The following DPYS variants were observed in gnomAD, a reference collection of about 807,000 sequenced individuals.
DPYS encodes the protein dihydropyrimidine amidohydrolase.
In DPYS, 39 loss-of-function variants were observed where a neutral mutation model predicts 50.3. That is an observed-to-expected ratio of 0.78 (90% CI 0.60 to 1.01). The LOEUF is 1.01. DPYS is among the 50% of genes least tolerant of loss of function. The probability of loss-of-function intolerance (pLI) is 0.00; values close to 1 mark genes in which losing one functional copy is unlikely to be tolerated. For missense variants in DPYS, 659 were observed against 680.9 expected, an observed-to-expected ratio of 0.97 and a Z score of 0.36; for synonymous variants, 245 against 250.7, an observed-to-expected ratio of 0.98 and a Z score of 0.22.
intron 7 of DPYS, among the ~76,000 whole-genome samples, chr8:104,402,239 A>G (rs1473982278): frequency 1.3e-5 from 2 of 152,150 alleles, no homozygotes; most frequent in East Asian, 1.9e-4. Flanking sequence ...TTATATATGT[A>G]TTTGTTTATC....
intron 4 of DPYS, among the ~76,000 whole-genome samples, chr8:104,437,304 C>A (rs1813185858): frequency 6.6e-6 from 1 of 152,054 alleles, no homozygotes; most frequent in Non-Finnish European, 1.5e-5. Flanking sequence ...TGAAGAGGGG[C>A]TGGGTAAAAT....
At chr8:104,390,093 T>C (rs2140514647) in intron 8 of DPYS, among the ~76,000 whole-genome samples, 1 of 152,330 alleles carries the variant, frequency 6.6e-6, no homozygotes, top group East Asian at 1.9e-4. Flanking sequence ...CTAGCGCCCC[T>C]TCTGGAAGCA....
chr8:104,436,400 A>C (rs548253203), intron 4 of DPYS, among the ~76,000 whole-genome samples: 36 of 152,348 alleles, frequency 2.4e-4, no homozygotes, highest in Non-Finnish European at 3.8e-4. Flanking sequence ...ACCTGAGGTC[A>C]GGAGTTCAAG....
intron 8 of DPYS, among the ~76,000 whole-genome samples, chr8:104,387,957 C>T (rs756050116): frequency 6.6e-6 from 1 of 152,162 alleles, no homozygotes; most frequent in Non-Finnish European, 1.5e-5. Context: ...CAAACTGACA[C>T]CACTGAATGA....
intron 3 of DPYS, among the ~76,000 whole-genome samples, chr8:104,445,139 A>C (rs1488422988): frequency 6.6e-6 from 1 of 152,244 alleles, no homozygotes; most frequent in Admixed American, 6.5e-5. Flanking sequence ...ATGTGGAGAA[A>C]AGGGAACCTA....
intron 4 of DPYS, among the ~76,000 whole-genome samples, chr8:104,439,164 G>C (rs997167183): frequency 2.9e-4 from 44 of 152,096 alleles, no homozygotes; most frequent in Non-Finnish European, 4.4e-5. Context: ...CTCAGGACGT[G>C]AGAAGTTTAC....
intron 7 of DPYS, among the ~76,000 whole-genome samples, chr8:104,399,992 C>T (rs974722821): frequency 2.0e-5 from 3 of 151,896 alleles, no homozygotes; most frequent in African/African-American, 7.3e-5. Context: ...ATTCTCTTTC[C>T]CAGGAATTTA....
intron 7 of DPYS, among the ~76,000 whole-genome samples, chr8:104,403,858 A>G (rs959690311): frequency 1.3e-5 from 2 of 152,224 alleles, no homozygotes; most frequent in African/African-American, 4.8e-5. Context: ...AATGGGCTGA[A>G]GCACTCCTTT....
intron 1 of DPYS, among the ~76,000 whole-genome samples, chr8:104,453,550 A>T (rs1422314749): frequency 6.6e-6 from 1 of 152,204 alleles, no homozygotes; most frequent in African/African-American, 2.4e-5. Flanking sequence ...CCCTATTAAA[A>T]TCTACCACAC....
chr8:104,408,773 G>A (rs1022934235), intron 7 of DPYS, among the ~76,000 whole-genome samples: 3 of 151,528 alleles, frequency 2.0e-5, no homozygotes, highest in Non-Finnish European at 4.4e-5. Flanking sequence ...TAAAATCAAA[G>A]GATTCTAAAA....
At chr8:104,445,116 A>G (rs1813483617) in intron 3 of DPYS, among the ~76,000 whole-genome samples, 1 of 152,210 alleles carries the variant, frequency 6.6e-6, no homozygotes, top group Non-Finnish European at 1.5e-5. Context: ...GGCAATAACA[A>G]TTGCTGGTAA....
intron 8 of DPYS, among the ~76,000 whole-genome samples, chr8:104,386,609 T>C (rs978623327): frequency 4.5e-5 from 5 of 111,838 alleles, no homozygotes; most frequent in Admixed American, 1.0e-4. Flanking sequence ...CTAGATTTTC[T>C]TTTTTTTTTT....
At chr8:104,441,615 C>T (rs1012850443) in intron 4 of DPYS, among the ~76,000 whole-genome samples, 6 of 152,164 alleles carry the variant, frequency 3.9e-5, no homozygotes, top group African/African-American at 1.4e-4. Flanking sequence ...GGCCACGAGC[C>T]AAGTAATTGG....
chr8:104,393,085 T>G (rs954210811), intron 7 of DPYS, 94 bp from the exon 8 acceptor site: 9 of 1,154,494 alleles, frequency 7.8e-6, no homozygotes, highest in Non-Finnish European at 1.1e-5. Context: ...AGAAGAAAAC[T>G]TAGCAACTCT....
At chr8:104,450,341 T>C (rs981699930) in intron 2 of DPYS, among the ~76,000 whole-genome samples, 1 of 152,154 alleles carries the variant, frequency 6.6e-6, no homozygotes, top group African/African-American at 2.4e-5. Flanking sequence ...CTGTTAAAGA[T>C]TGATTATTTG....
chr8:104,429,448 T>C (rs1022664373), intron 5 of DPYS, 97 bp downstream of exon 5: 61 of 1,531,518 alleles, frequency 4.0e-5, no homozygotes, highest in Non-Finnish European at 5.4e-5. Flanking sequence ...AAGAGAATAC[T>C]GGGAGGTTAG....
At chr8:104,461,557 T>C (rs1316823662) in intron 1 of DPYS, among the ~76,000 whole-genome samples, 4 of 152,172 alleles carry the variant, frequency 2.6e-5, no homozygotes, top group Non-Finnish European at 4.4e-5. Flanking sequence ...CATTGCTATA[T>C]AGTGGATAAA....
At chr8:104,442,564 G>C (rs772405842) in intron 4 of DPYS, among the ~76,000 whole-genome samples, 20 of 152,234 alleles carry the variant, frequency 1.3e-4, no homozygotes, top group Non-Finnish European at 2.6e-4. Context: ...TCTTTTTTAA[G>C]GGGCGAAATT....
chr8:104,442,346 A>G (rs1409222599), intron 4 of DPYS, among the ~76,000 whole-genome samples: 1 of 152,246 alleles, frequency 6.6e-6, no homozygotes, highest in African/African-American at 2.4e-5. Context: ...CTGCTTCCTG[A>G]CAGAACAGTC....
Sources: allele counts gnomAD v4.1 joint callset (sites outside exome capture counted in the v4.1 genomes callset), GRCh38; gene constraint gnomAD v4.1.1; transcripts MANE v1.5; gene names NCBI Gene and HGNC (gene_info 2026-07-23, HGNC 2026-07-21).